The following ADAMTS12 variants were observed in gnomAD, a reference collection of about 807,000 sequenced individuals.
The protein encoded by ADAMTS12 is ADAM metallopeptidase with thrombospondin type 1 motif 12, also known as A disintegrin and metalloproteinase with thrombospondin motifs 12.
ADAMTS12 carries 118 observed loss-of-function variants against 167.8 expected under a neutral mutation model. The ratio of observed to expected loss-of-function variants is 0.70; its 90% CI spans 0.61 to 0.82. The LOEUF (loss-of-function observed/expected upper bound fraction) is 0.82, where lower values mean the gene tolerates loss of function less well. Ranked by LOEUF, ADAMTS12 falls within the 40% of genes least tolerant of loss-of-function variation. The pLI is 0.00. For missense variants in ADAMTS12, 1,916 were observed against 1,998.8 expected, an observed-to-expected ratio of 0.96 and a Z score of 0.79; for synonymous variants, 704 against 716.9, an observed-to-expected ratio of 0.98 and a Z score of 0.29.
rs756957050 is a variant in ADAMTS12, at chr5:33,576,795, G to T, written c.3231C>A (p.Ser1077Arg). 1.4e-5 allele frequency: 22 copies of T among 1,614,092 alleles called. No homozygotes were observed. In the South Asian group the frequency reaches 2.3e-4, roughly 17 times the overall value. Reference protein sequence around the residue: ...WQDSSTQPELSSRYLISTGST... With the variant: ...WQDSSTQPELRSRYLISTGST... ...TTCCAGTGGAAATGAGATAGCGAGA[G>T]CTCAGCTCAGGTTGGGTTGAGCTAT... is the stretch of plus-strand genomic sequence containing the variant. The change falls in exon 19 of 24, where the codon AGC becomes AGA. Residue 1077 changes from serine (S) to arginine (R), a missense_variant. Ser to Arg is a moderately radical substitution (Grantham distance 110). Coordinates refer to ENST00000504830, the MANE Select transcript of ADAMTS12 (RefSeq NM_030955.4).
intron 2 of ADAMTS12, among the ~76,000 whole-genome samples, chr5:33,860,164 T>C (rs1399953275): frequency 1.3e-5 from 2 of 152,116 alleles, no homozygotes; most frequent in African/African-American, 4.8e-5. Flanking sequence ...AGAACGACTT[T>C]GATGAATTGA....
chr5:33,627,434 G>T (rs1392781648), intron 13 of ADAMTS12, among the ~76,000 whole-genome samples: 1 of 150,558 alleles, frequency 6.6e-6, no homozygotes, highest in Non-Finnish European at 1.5e-5. Context: ...GATAATGGTG[G>T]TGGATATGGT....
At chr5:33,605,332 T>C (rs10053283) in intron 16 of ADAMTS12, among the ~76,000 whole-genome samples, 2,743 of 152,306 alleles carry the variant, frequency 0.018, 83 homozygotes, top group African/African-American at 0.063. Context: ...TTGGATATCT[T>C]CTCCTTACCT....
chr5:33,527,603 C>T (rs1743885450), intron 23 of ADAMTS12, among the ~76,000 whole-genome samples: 1 of 152,196 alleles, frequency 6.6e-6, no homozygotes, highest in African/African-American at 2.4e-5. Context: ...TTATACAGAA[C>T]ATTCCCTCCT....
At chr5:33,891,100 C>T (rs1158815808) in intron 1 of ADAMTS12, among the ~76,000 whole-genome samples, 1 of 152,178 alleles carries the variant, frequency 6.6e-6, no homozygotes, top group African/African-American at 2.4e-5. Flanking sequence ...TCCAATGCTT[C>T]CTACAATAAC....
chr5:33,637,534 T>A (rs745800019), intron 12 of ADAMTS12, 43 bp downstream of exon 12: 1 of 1,571,042 alleles, frequency 6.4e-7, no homozygotes, highest in Non-Finnish European at 8.7e-7. Flanking sequence ...GCTTTGAGAA[T>A]GGCTGTTCCC....
chr5:33,852,904 A>C (rs182782370), intron 2 of ADAMTS12, among the ~76,000 whole-genome samples: 5 of 152,088 alleles, frequency 3.3e-5, no homozygotes, highest in East Asian at 3.9e-4. Context: ...GGAGACACAC[A>C]AAAAAAACAC....
chr5:33,610,821 C>T (rs946865900), intron 16 of ADAMTS12, among the ~76,000 whole-genome samples: 2 of 152,106 alleles, frequency 1.3e-5, no homozygotes, highest in Non-Finnish European at 2.9e-5. Context: ...AATTCCAGCA[C>T]TTTGGGAGGC....
chr5:33,568,420 T>C (rs1746123877), intron 19 of ADAMTS12, among the ~76,000 whole-genome samples: 1 of 152,214 alleles, frequency 6.6e-6, no homozygotes, highest in South Asian at 2.1e-4. Context: ...ACCAATGATG[T>C]TGATTACTTT....
chr5:33,576,495 C>A lies in ADAMTS12; in HGVS notation c.3531G>T (p.Trp1177Cys). Residue 1177 changes from tryptophan (W) to cysteine (C), a missense_variant, in exon 19 of 24, where the codon TGG becomes TGT. Physicochemically the swap from Trp to Cys is radical, Grantham distance 215. Transcript: ENST00000504830. ...EDKDESNPVI[W>C]TKIRVPGNDA... ...CATTTCCAGGTACTCTGATCTTGGT[C>A]CATATTACAGGATTGCTTTCATCTT... 6.2e-7 allele frequency: 1 copy of A among 1,609,036 alleles called. No homozygotes were observed.
chr5:33,746,877 ATGT>A (rs1222833206), intron 3 of ADAMTS12, among the ~76,000 whole-genome samples: 3 of 152,206 alleles, frequency 2.0e-5, no homozygotes, highest in South Asian at 2.1e-4. Flanking sequence ...AGAAGAAGAA[ATGT>A]TGTCTTTTTT....
chr5:33,761,199 C>T (rs1487014020), intron 2 of ADAMTS12, among the ~76,000 whole-genome samples: 1 of 152,222 alleles, frequency 6.6e-6, no homozygotes, highest in Non-Finnish European at 1.5e-5. Flanking sequence ...CATCCTTCAC[C>T]GGAAGGACAT....
chr5:33,803,438 G>A (rs1308806203), intron 2 of ADAMTS12, among the ~76,000 whole-genome samples: 1 of 152,156 alleles, frequency 6.6e-6, no homozygotes, highest in Non-Finnish European at 1.5e-5. Context: ...GAAGTGTGGG[G>A]TGCACTGGCC....
intron 11 of ADAMTS12, 146 bp from the exon 12 acceptor site, chr5:33,637,892 A>G (rs1000063725): frequency 8.3e-6 from 7 of 838,578 alleles, no homozygotes; most frequent in African/African-American, 6.9e-5. Context: ...CAAATTTTAC[A>G]CATTTTTTCC....
At chr5:33,667,809 GT>G (rs1361231374) in intron 5 of ADAMTS12, among the ~76,000 whole-genome samples, 4 of 152,186 alleles carry the variant, frequency 2.6e-5, no homozygotes, top group African/African-American at 9.6e-5. Context: ...CTTGGTACCA[GT>G]TAAAAAGTCA....
chr5:33,876,444 A>C (rs1277917318), intron 2 of ADAMTS12, among the ~76,000 whole-genome samples: 1 of 152,212 alleles, frequency 6.6e-6, no homozygotes, highest in Non-Finnish European at 1.5e-5. Flanking sequence ...ACAAAACCTA[A>C]AACTCAGATA....
chr5:33,630,920 G>C lies in ADAMTS12; in HGVS notation c.1889-7C>G. On this transcript the variant is annotated splice_region_variant and splice_polypyrimidine_tract_variant and intron_variant, in intron 12 of 23. Transcript: ENST00000504830. ...TAGAGCTCACAAGGATGTGCTGAAGGGAAAAAAGAAGGCAAAGCCTTGCAA... is the reference window on the plus strand; with the variant it reads ...TAGAGCTCACAAGGATGTGCTGAAGCGAAAAAAGAAGGCAAAGCCTTGCAA... 1 of 1,610,136 alleles carries C rather than the reference G, an allele frequency of 6.2e-7. No individual in the cohort carries two copies. The highest frequency in any genetic ancestry group is 2.2e-5 in the East Asian group (1 of 44,792).
At chr5:33,560,603 A>G (rs905126613) in intron 20 of ADAMTS12, among the ~76,000 whole-genome samples, 27 of 152,148 alleles carry the variant, frequency 1.8e-4, no homozygotes, top group African/African-American at 4.3e-4. Flanking sequence ...AAAAAATGAT[A>G]AGTGCATGTC....
At chr5:33,859,901 A>G (rs1043930166) in intron 2 of ADAMTS12, among the ~76,000 whole-genome samples, 4 of 152,244 alleles carry the variant, frequency 2.6e-5, no homozygotes, top group African/African-American at 4.8e-5. Flanking sequence ...AAACTGCAGC[A>G]GACCTGCAGA....
Sources: allele counts gnomAD v4.1 joint callset (sites outside exome capture counted in the v4.1 genomes callset), GRCh38; gene constraint gnomAD v4.1.1; transcripts MANE v1.5; gene names NCBI Gene and HGNC (gene_info 2026-07-23, HGNC 2026-07-21).